Variants in PLEKHM3 observed in about 807,000 individuals in gnomAD.
PLEKHM3 encodes the protein pleckstrin homology domain containing M3.
In PLEKHM3, 45 loss-of-function variants were observed where a neutral mutation model predicts 81.8. The ratio of observed to expected loss-of-function variants is 0.55; its 90% CI spans 0.43 to 0.71. The LOEUF is 0.71. Ranked by LOEUF, PLEKHM3 falls within the 30% of genes least tolerant of loss-of-function variation. The probability of loss-of-function intolerance (pLI) is 0.00; values close to 1 mark genes in which losing one functional copy is unlikely to be tolerated. For synonymous variants in PLEKHM3, 352 were observed against 356.4 expected, an observed-to-expected ratio of 0.99 and a Z score of 0.14; for missense variants, 788 against 924.3, an observed-to-expected ratio of 0.85 and a Z score of 1.91.
Position 207,880,762 on chromosome 2 carries a change from C to CAAAAAAAAAAAAAAAAA in PLEKHM3, c.1951-19517_1951-19501dup. Among the ~76,000 whole-genome samples, 20 of 6,966 alleles carry CAAAAAAAAAAAAAAAAA rather than the reference C, an allele frequency of 2.9e-3. 4 individuals carry two copies. Among genetic ancestry groups the CAAAAAAAAAAAAAAAAA allele is most frequent in the Non-Finnish European group, 4.5e-3 (12 of 2,688 alleles). 4.6% of individuals were successfully genotyped at this position (6,966 alleles called of 152,430 possible). The stretch of plus-strand genomic sequence containing the variant: ...TGGGAGACACAGCGAGACTCTGTCT[C>CAAAAAAAAAAAAAAAAA]AAAAAAAAAAAAAAAAAAAAAAAAA... On this transcript the variant is annotated intron_variant, in intron 6 of 7. Transcript: ENST00000427836.
intron 1 of PLEKHM3, among the ~76,000 whole-genome samples, chr2:208,023,980 C>CA (rs1693217343): frequency 6.6e-6 from 1 of 151,742 alleles, no homozygotes; most frequent in South Asian, 2.1e-4. Flanking sequence ...CTGTCTCTAC[C>CA]AAATGTACAA....
In PLEKHM3 at chr2:207,911,986, C is replaced by A. The variant is rs942708183; in HGVS notation, c.1887-3409G>T. On this transcript the variant is annotated intron_variant, in intron 5 of 7. Transcript: ENST00000427836. The stretch of plus-strand genomic sequence containing the variant: ...CAGACTTATTTACAAATTTACAAAC[C>A]AAATCACACTGGCATACTCTTCCTG... Among the ~76,000 whole-genome samples, 3 of 152,098 alleles carry A rather than the reference C, an allele frequency of 2.0e-5. No homozygotes were observed. In the East Asian group the frequency reaches 5.8e-4, roughly 29 times the overall value.
At chr2:207,918,272 C>T (rs1689060788) in intron 5 of PLEKHM3, among the ~76,000 whole-genome samples, 1 of 152,214 alleles carries the variant, frequency 6.6e-6, no homozygotes, top group Non-Finnish European at 1.5e-5. Flanking sequence ...CCTGTAATCC[C>T]AGCACTTTGG....
intron 2 of PLEKHM3, among the ~76,000 whole-genome samples, chr2:208,000,322 G>A (rs557591374): frequency 6.6e-6 from 1 of 152,276 alleles, no homozygotes; most frequent in East Asian, 1.9e-4. Context: ...GTCATGTCCT[G>A]TGACTCTATG....
chr2:207,866,923 G>A (rs2092504672), intron 6 of PLEKHM3, among the ~76,000 whole-genome samples: 1 of 152,070 alleles, frequency 6.6e-6, no homozygotes. Context: ...ACATACGATT[G>A]TTTTGCTTAT....
chr2:207,996,301 C>G (rs1184344583), intron 2 of PLEKHM3, among the ~76,000 whole-genome samples: 1 of 152,076 alleles, frequency 6.6e-6, no homozygotes, highest in Admixed American at 6.6e-5. Flanking sequence ...CAGAGCTTCA[C>G]AGAGAGGATG....
intron 3 of PLEKHM3, among the ~76,000 whole-genome samples, chr2:207,948,349 C>CTTTTTTTTTT (rs752976462): frequency 8.6e-5 from 7 of 81,066 alleles, no homozygotes; most frequent in Non-Finnish European, 1.3e-4. Flanking sequence ...CTCCTCAGAT[C>CTTTTTTTTTT]TTTTTTTTTT....
At chr2:207,881,791 C>T (rs1205621406) in intron 6 of PLEKHM3, among the ~76,000 whole-genome samples, 1 of 152,128 alleles carries the variant, frequency 6.6e-6, no homozygotes, top group Non-Finnish European at 1.5e-5. Context: ...TTCTCCTACT[C>T]TTTCCAGTGA....
At chr2:207,891,358 CACTT>C (rs374283266) in intron 6 of PLEKHM3, among the ~76,000 whole-genome samples, 2 of 152,208 alleles carry the variant, frequency 1.3e-5, no homozygotes, top group African/African-American at 4.8e-5. Context: ...ATTTGTAACT[CACTT>C]AACCTCACAA....
At position 207,861,099 on chromosome 2, in the gene PLEKHM3, C is replaced by A. The variant is rs755565274; in HGVS notation, c.2108+6G>T. On this transcript the variant is annotated splice_donor_region_variant and intron_variant, in intron 7 of 7. Transcript: ENST00000427836. ...GTGTTCTTTTATGAAATAAGATATTCTGTACCTGCTTGTTGAAATATCCTC... is the reference window on the plus strand; with the variant it reads ...GTGTTCTTTTATGAAATAAGATATTATGTACCTGCTTGTTGAAATATCCTC... 4 of 1,611,316 alleles carry A rather than the reference C, an allele frequency of 2.5e-6. No individual in the cohort carries two copies. The highest frequency in any genetic ancestry group is 2.7e-5 in the African/African-American group (2 of 74,910).
At chr2:207,985,981 C>T (rs1347817761) in intron 2 of PLEKHM3, among the ~76,000 whole-genome samples, 2 of 105,822 alleles carry the variant, frequency 1.9e-5, no homozygotes, top group Non-Finnish European at 4.4e-5. Context: ...GAGCGAGACT[C>T]CGTCTCAAAA....
intron 7 of PLEKHM3, among the ~76,000 whole-genome samples, chr2:207,856,309 G>A (rs1038134930): frequency 6.6e-6 from 1 of 151,984 alleles, no homozygotes; most frequent in African/African-American, 2.4e-5. Context: ...AACCAATATC[G>A]ATATATCATT....
intron 4 of PLEKHM3, among the ~76,000 whole-genome samples, chr2:207,944,326 G>C (rs1690047780): frequency 6.6e-6 from 1 of 152,216 alleles, no homozygotes; most frequent in South Asian, 2.1e-4. Flanking sequence ...AGGGTCAACA[G>C]ATTTGGCAAA....
chr2:207,906,052 A>T (rs762709674), intron 6 of PLEKHM3, among the ~76,000 whole-genome samples: 1 of 152,230 alleles, frequency 6.6e-6, no homozygotes, highest in Non-Finnish European at 1.5e-5. Flanking sequence ...AATTACTCTG[A>T]TTCTTTCTCT....
intron 1 of PLEKHM3, among the ~76,000 whole-genome samples, chr2:208,007,776 C>T (rs574389946): frequency 1.3e-5 from 2 of 152,038 alleles, no homozygotes; most frequent in African/African-American, 2.4e-5. Context: ...TAAAAATAGG[C>T]CGGGCGCAGT....
At position 207,999,931 on chromosome 2, in the gene PLEKHM3, T is replaced by C. The variant is rs6742094; in HGVS notation, c.610+1099A>G. 9.1e-3 allele frequency among the ~76,000 whole-genome samples: 1,379 copies of C among 152,318 alleles called. 27 individuals are homozygous for C. The highest frequency in any genetic ancestry group is 0.032 in the African/African-American group (1,317 of 41,570). ...TAAAATAGCAGTGAAGTACCAAAAA[T>C]GTCTCCTAGTTAATTGAGTAGAAGC... is the stretch of plus-strand genomic sequence containing the variant. On this transcript the variant is annotated intron_variant, in intron 2 of 7. Coordinates refer to ENST00000427836, the MANE Select transcript of PLEKHM3 (RefSeq NM_001080475.3).
At chr2:207,916,413 C>A (rs1052353836) in intron 5 of PLEKHM3, among the ~76,000 whole-genome samples, 8 of 152,106 alleles carry the variant, frequency 5.3e-5, no homozygotes, top group African/African-American at 1.9e-4. Context: ...ACACTTCCCC[C>A]GCAATGAGTT....
chr2:207,915,003 CATCAAAGGAAACGAT>C (rs1165577076), intron 5 of PLEKHM3, among the ~76,000 whole-genome samples: 2 of 152,184 alleles, frequency 1.3e-5, no homozygotes, highest in East Asian at 3.9e-4. Flanking sequence ...TTCACTCGCC[CATCAAAGGAAACGAT>C]ATCACTAGCA....
intron 2 of PLEKHM3, among the ~76,000 whole-genome samples, chr2:207,978,699 T>C (rs924988573): frequency 6.6e-6 from 1 of 152,160 alleles, no homozygotes; most frequent in African/African-American, 2.4e-5. Flanking sequence ...GAGCTTGCAA[T>C]GCTCCTTCCA....
Sources: allele counts gnomAD v4.1 joint callset (sites outside exome capture counted in the v4.1 genomes callset), GRCh38; gene constraint gnomAD v4.1.1; transcripts MANE v1.5; gene names NCBI Gene and HGNC (gene_info 2026-07-23, HGNC 2026-07-21).